The following PTGER2 variants were observed in gnomAD, a reference collection of about 807,000 sequenced individuals.
PTGER2 encodes the protein prostaglandin E2 receptor EP2 subtype.
A neutral mutation model predicts 26.2 loss-of-function variants in PTGER2; 22 were observed. That is an observed-to-expected ratio of 0.84 (90% confidence interval 0.60 to 1.20). The LOEUF is 1.20. Among genes scored for constraint, PTGER2 ranks in the 50% most tolerant of loss-of-function variants. PTGER2 has a pLI of 0.00. For missense variants in PTGER2, 458 were observed against 475.2 expected, an observed-to-expected ratio of 0.96 and a Z score of 0.34; for synonymous variants, 219 against 208.9, an observed-to-expected ratio of 1.05 and a Z score of -0.42.
Position 52,315,268 on chromosome 14 carries a change from T to C in PTGER2, c.720T>C (p.Ser240=). The change falls in exon 1 of 2, where the codon AGT becomes AGC. Residue 240 remains serine (S), a synonymous_variant. Transcript: ENST00000245457. The part of the protein sequence containing the change: ...RRSRCGPSLG[S]GRGGPGARRR... ...GCCGCTGCGGACCTTCCCTGGGCAG[T>C]GGCCGGGGCGGCCCCGGGGCCCGCA... is the stretch of plus-strand genomic sequence containing the variant. The C allele has an allele frequency of 6.2e-7, 1 of 1,613,246 alleles. No individual in the cohort carries two copies. The highest frequency in any genetic ancestry group is 8.5e-7 in the Non-Finnish European group (1 of 1,179,884).
chr14:52,315,069 ACTATGGGCAGTACGTCCAGTACTGCC>A lies in PTGER2; in HGVS notation c.523_548del (p.Tyr175ArgfsTer105), dbSNP rs780132997. 1.9e-6 allele frequency: 3 copies of A among 1,611,564 alleles called. No individual in the cohort carries two copies. The highest frequency in any genetic ancestry group is 2.5e-6 in the Non-Finnish European group (3 of 1,179,888). On this transcript the variant is annotated frameshift_variant, in exon 1 of 2. Transcript: ENST00000245457. LOFTEE classifies it high-confidence loss of function. ...CTCTTCTGCTCGCTGCCGCTGCTGG[ACTATGGGCAGTACGTCCAGTACTGCC>A]CCGGGACCTGGTGCTTCATCCGGCA...
At position 52,314,752 on chromosome 14, in the gene PTGER2, C is replaced by T. The variant is rs746938997; in HGVS notation, c.204C>T (p.His68=). Residue 68 remains histidine, a synonymous_variant, in exon 1 of 2, where the codon CAC becomes CAT. Transcript: ENST00000245457. The surrounding 1 kb of genome is among the most constrained non-coding windows in gnomAD (Gnocchi z 5.7). Reference sequence around the variant, plus strand: ...GCAGGAGCTCCCTCTCCTTGTTCCACGTGCTGGTGACCGAGCTGGTGTTCA... The same window carrying T: ...GCAGGAGCTCCCTCTCCTTGTTCCATGTGCTGGTGACCGAGCTGGTGTTCA... ...AGRRSSLSLF[H]VLVTELVFTD... The T allele has an allele frequency of 4.4e-6, 7 of 1,602,178 alleles. No individual in the cohort carries two copies. The Admixed American group carries it at 5.0e-5, about 12-fold the overall frequency.
At position 52,315,369 on chromosome 14, in the gene PTGER2, C is replaced by A. The variant is rs760988317; in HGVS notation, c.821C>A (p.Ala274Asp). 1.9e-6 allele frequency: 3 copies of A among 1,613,234 alleles called. No individual in the cohort carries two copies. The Admixed American group carries it at 5.0e-5, about 27-fold the overall frequency. Residue 274 changes from alanine (A) to aspartate (D), a missense_variant, in exon 1 of 2, where the codon GCC (alanine) becomes GAC (aspartate). Ala to Asp is a moderately radical substitution (Grantham distance 126). Transcript: ENST00000245457. ...CTGGCTATCATGACCATCACCTTCG[C>A]CGTCTGCTCCTTGCCTTTCACGGTA... is the stretch of plus-strand genomic sequence containing the variant. ...ILLAIMTITF[A>D]VCSLPFTIFA...
intron 1 of PTGER2, among the ~76,000 whole-genome samples, chr14:52,320,837 G>A (rs10142849): frequency 0.073 from 11,131 of 152,240 alleles, 569 homozygotes; most frequent in East Asian, 0.16. Context: ...GCCAGGGATC[G>A]GATAAGCACA....
At chr14:52,318,666 T>C (rs761579162) in intron 1 of PTGER2, among the ~76,000 whole-genome samples, 1 of 152,134 alleles carries the variant, frequency 6.6e-6, no homozygotes, top group Non-Finnish European at 1.5e-5. Flanking sequence ...ACTCCAGTAG[T>C]GGACAGAGGA....
chr14:52,315,237 G>GGAGAA lies in PTGER2; in HGVS notation c.691_695dup (p.Ser232ArgfsTer40), dbSNP rs747028637. The GGAGAA allele has an allele frequency of 1.2e-6, 2 of 1,612,430 alleles. No individual in the cohort carries two copies. Among genetic ancestry groups the GGAGAA allele is most frequent in the South Asian group, 2.2e-5 (2 of 90,982 alleles). On this transcript the variant is annotated frameshift_variant, in exon 1 of 2. Transcript: ENST00000245457. LOFTEE classifies it high-confidence loss of function. ...CTCATCCGCATGCACCGCCGAAGCC[G>GGAGAA]GAGAAGCCGCTGCGGACCTTCCCTG...
At chr14:52,320,923 T>G (rs2033887675) in intron 1 of PTGER2, among the ~76,000 whole-genome samples, 1 of 152,226 alleles carries the variant, frequency 6.6e-6, no homozygotes, top group South Asian at 2.1e-4. Flanking sequence ...ATTTTCTGCC[T>G]GAATTCATTT....
Position 52,314,561 on chromosome 14 carries a change from T to C in PTGER2, c.13T>C (p.Ser5Pro). The C allele has an allele frequency of 1.3e-6, 2 of 1,496,642 alleles. No homozygotes were observed. Among genetic ancestry groups the C allele is most frequent in the Admixed American group, 2.4e-5 (1 of 41,438 alleles). The allele number at this position is 1,496,642 out of a possible 1,614,324, so 92.7% of individuals were successfully genotyped here. ...CAGGCACCCCACCATGGGCAATGCC[T>C]CCAATGACTCCCAGTCTGAGGACTG... MGNA[S>P]NDSQSEDCET... Residue 5 changes from serine (S) to proline (P), a missense_variant, in exon 1 of 2, where the codon TCC (serine) becomes CCC (proline). Physicochemically the swap from Ser to Pro is moderately conservative, Grantham distance 74. Transcript: ENST00000245457. The surrounding 1 kb of genome is among the most constrained non-coding windows in gnomAD (Gnocchi z 5.7).
intron 1 of PTGER2, among the ~76,000 whole-genome samples, chr14:52,324,440 G>T (rs936079036): frequency 6.6e-6 from 1 of 152,210 alleles, no homozygotes; most frequent in Non-Finnish European, 1.5e-5. Flanking sequence ...ATATTTCCTT[G>T]ATAGAAGAGT....
intron 1 of PTGER2, among the ~76,000 whole-genome samples, chr14:52,317,865 A>T (rs1446600387): frequency 6.6e-6 from 1 of 152,226 alleles, no homozygotes; most frequent in Non-Finnish European, 1.5e-5. Context: ...TGGAAATTGG[A>T]AGCATTGTCA....
rs1265026435 is a variant in PTGER2, at chr14:52,328,027, T to TA, written c.*574dup. ...ACTCTCATCACTACAGTATTACTCTTACAAGAGTGGACTCAGTGGGTTAAC... is the reference window on the plus strand; with the variant it reads ...ACTCTCATCACTACAGTATTACTCTTAACAAGAGTGGACTCAGTGGGTTAAC... On this transcript the variant is annotated 3_prime_UTR_variant, in exon 2 of 2. Transcript: ENST00000245457. 2.6e-5 allele frequency: 4 copies of TA among 152,728 alleles called. No individual in the cohort carries two copies. Among genetic ancestry groups the TA allele is most frequent in the African/African-American group, 9.6e-5 (4 of 41,464 alleles). The allele number at this position is 152,728 out of a possible 1,614,324, so 9.5% of individuals were successfully genotyped here.
rs1439152739 is a variant in PTGER2, at chr14:52,327,397, T to G, written c.1020T>G (p.Asp340Glu). The G allele has an allele frequency of 6.2e-7, 1 of 1,613,736 alleles. No individual in the cohort carries two copies. The highest frequency in any genetic ancestry group is 8.5e-7 in the Non-Finnish European group (1 of 1,179,864). Residue 340 changes from aspartate to glutamate, a missense_variant, in exon 2 of 2, where the codon GAT becomes GAG. Coordinates refer to ENST00000245457, the MANE Select transcript of PTGER2 (RefSeq NM_000956.4). ...GTCGGATTTCATTAAGAACACAAGA[T>G]GCAACACAAACTTCCTGTTCTACAC... ...LCCRISLRTQ[D>E]ATQTSCSTQS...
chr14:52,322,048 T>C lies in PTGER2; in HGVS notation c.844-5173T>C, dbSNP rs1312283161. 3.9e-5 allele frequency among the ~76,000 whole-genome samples: 6 copies of C among 152,348 alleles called. 1 individual carries two copies. Among genetic ancestry groups the C allele is most frequent in the African/African-American group, 1.4e-4 (6 of 41,576 alleles). On this transcript the variant is annotated intron_variant, in intron 1 of 1. Transcript: ENST00000245457. ...AATTACTTGGAGCACTTTGCAAACC[T>C]TGATGCCCATGGCTCAGCCTAGACT...
At chr14:52,318,862 T>A (rs1405561229) in intron 1 of PTGER2, among the ~76,000 whole-genome samples, 1 of 152,226 alleles carries the variant, frequency 6.6e-6, no homozygotes, top group African/African-American at 2.4e-5. Flanking sequence ...ACCTCATATG[T>A]CATTATTATC....
rs183428949 is a variant in PTGER2, at chr14:52,322,214, G to A, written c.844-5007G>A. On this transcript the variant is annotated intron_variant, in intron 1 of 1. Transcript: ENST00000245457. ...GAATTATACAGCTGGGCCGCTGGGG[G>A]TGACATCACATATCTGTAGGACCAT... Among the ~76,000 whole-genome samples the A allele has an allele frequency of 5.9e-4, 90 of 152,272 alleles. 1 individual carries two copies. The highest frequency in any genetic ancestry group is 1.9e-3 in the African/African-American group (81 of 41,548).
Position 52,327,494 on chromosome 14 carries a change from A to G in PTGER2, c.*40A>G, listed in dbSNP as rs749894679. ...AAGTTCTTAGTTATATAGCATCTGG[A>G]AGATCATTTTGAAATTGTTCCTTGG... is the stretch of plus-strand genomic sequence containing the variant. On this transcript the variant is annotated 3_prime_UTR_variant, in exon 2 of 2. Transcript: ENST00000245457. 3 of 1,446,124 alleles carry G rather than the reference A, an allele frequency of 2.1e-6. No homozygotes were observed. Among genetic ancestry groups the G allele is most frequent in the African/African-American group, 1.4e-5 (1 of 70,192 alleles). 89.6% of individuals were successfully genotyped at this position (1,446,124 alleles called of 1,614,324 possible). A position where few individuals can be genotyped will look rare whatever the true frequency, so the allele number is the denominator to read the frequency against.
chr14:52,315,122 G>C lies in PTGER2; in HGVS notation c.574G>C (p.Gly192Arg). 1.9e-6 allele frequency: 3 copies of C among 1,609,902 alleles called. No homozygotes were observed. Among genetic ancestry groups the C allele is most frequent in the Non-Finnish European group, 2.5e-6 (3 of 1,179,964 alleles). The change falls in exon 1 of 2, where the codon GGG (glycine) becomes CGG (arginine). Residue 192 changes from glycine (G) to arginine (R), a missense_variant. By Grantham distance (125) the Gly-to-Arg change is moderately radical. Transcript: ENST00000245457. The part of the protein sequence containing the change: ...CPGTWCFIRH[G>R]RTAYLQLYAT... ...CGGGACCTGGTGCTTCATCCGGCAC[G>C]GGCGGACCGCTTACCTGCAGCTGTA...
rs1318453839 is a variant in PTGER2 at position 52,327,310 on chromosome 14, C to T, written c.933C>T (p.Asp311=). The T allele has an allele frequency of 2.9e-5, 47 of 1,613,196 alleles. 1 individual carries two copies. The highest frequency in any genetic ancestry group is 3.9e-5 in the Non-Finnish European group (46 of 1,179,252). Residue 311 remains aspartate (D), a synonymous_variant, in exon 2 of 2, where the codon GAC becomes GAT. Coordinates refer to ENST00000245457, the MANE Select transcript of PTGER2 (RefSeq NM_000956.4). ...LRFLSINSII[D]PWVFAILRPP... is the part of the protein sequence containing the mutation. ...TTTTATCAATTAATTCAATAATTGA[C>T]CCTTGGGTCTTTGCCATCCTTAGGC...
At chr14:52,315,457 C>T in intron 1 of PTGER2, 66 bp downstream of exon 1, 1 of 1,576,692 alleles carries the variant, frequency 6.3e-7, no homozygotes, top group African/African-American at 1.3e-5. Flanking sequence ...CCCCTGACGC[C>T]TCCACCCTTT....
Sources: allele counts gnomAD v4.1 joint callset (sites outside exome capture counted in the v4.1 genomes callset), GRCh38; gene constraint gnomAD v4.1.1; non-coding constraint Gnocchi (gnomAD v3.1); transcripts MANE v1.5; gene names NCBI Gene and HGNC (gene_info 2026-07-23, HGNC 2026-07-21).